LRRC4C: variants seen among roughly 807,000 people sequenced by gnomAD.
The protein encoded by LRRC4C is leucine rich repeat containing 4C.
LRRC4C carries 5 observed loss-of-function variants against 33.6 expected under a neutral mutation model. The ratio of observed to expected loss-of-function variants is 0.15; its 90% CI spans 0.08 to 0.31. The LOEUF is 0.31. Ranked by LOEUF, LRRC4C falls within the 10% of genes least tolerant of loss-of-function variation. The probability of loss-of-function intolerance (pLI) is 1.00; values close to 1 mark genes in which losing one functional copy is unlikely to be tolerated. For missense variants in LRRC4C, 560 were observed against 796.7 expected (o/e 0.70, Z 3.58); for synonymous variants, 329 against 302.0 (o/e 1.09, Z -0.93).
At chr11:40,590,192 T>C (rs997016654) in intron 3 of LRRC4C, among the ~76,000 whole-genome samples, 1 of 151,878 alleles carries the variant, frequency 6.6e-6, no homozygotes, top group African/African-American at 2.4e-5. Context: ...TATTCTTTTT[T>C]CTCTAAACTT....
At chr11:40,857,285 C>T (rs889521297) in intron 2 of LRRC4C, among the ~76,000 whole-genome samples, 6 of 152,082 alleles carry the variant, frequency 3.9e-5, no homozygotes, top group African/African-American at 1.4e-4. Flanking sequence ...GTTTGCTGTA[C>T]TCATCAACCT....
chr11:40,948,855 T>C (rs112187091), intron 1 of LRRC4C, among the ~76,000 whole-genome samples: 65,616 of 149,996 alleles, frequency 0.44, 15,162 homozygotes, highest in East Asian at 0.52. Flanking sequence ...TATAGTAGCA[T>C]GATTTATAGT....
chr11:41,022,409 A>G (rs974273003), intron 1 of LRRC4C, among the ~76,000 whole-genome samples: 4 of 151,932 alleles, frequency 2.6e-5, no homozygotes, highest in Admixed American at 6.6e-5. Flanking sequence ...AGGGTAAGCA[A>G]GGAGATTTGC....
chr11:40,902,100 A>G (rs952594167), intron 2 of LRRC4C, among the ~76,000 whole-genome samples: 19 of 151,594 alleles, frequency 1.3e-4, no homozygotes, highest in African/African-American at 3.6e-4. Context: ...GCATATTGCA[A>G]TGTTTACATT....
chr11:40,599,188 T>C (rs1022740070), intron 3 of LRRC4C, among the ~76,000 whole-genome samples: 1 of 152,014 alleles, frequency 6.6e-6, no homozygotes, highest in African/African-American at 2.4e-5. Context: ...GTGACTCATG[T>C]CTGTAATCCC....
chr11:41,004,921 G>C (rs1854632554), intron 1 of LRRC4C, among the ~76,000 whole-genome samples: 1 of 152,090 alleles, frequency 6.6e-6, no homozygotes, highest in Non-Finnish European at 1.5e-5. Context: ...AAGATGGTTA[G>C]AAAACAGAAA....
At chr11:40,202,251 A>C (rs1351972386) in intron 5 of LRRC4C, among the ~76,000 whole-genome samples, 1 of 146,300 alleles carries the variant, frequency 6.8e-6, no homozygotes, top group African/African-American at 2.5e-5. Context: ...GGGATTCCAC[A>C]CTTGGCTGGC....
intron 4 of LRRC4C, among the ~76,000 whole-genome samples, chr11:40,290,290 C>T (rs1944104080): frequency 6.6e-6 from 1 of 152,022 alleles, no homozygotes; most frequent in Non-Finnish European, 1.5e-5. Context: ...AGCAAATAAG[C>T]AAACGAATGC....
chr11:41,375,339 C>T (rs900468111), intron 1 of LRRC4C, among the ~76,000 whole-genome samples: 4 of 151,920 alleles, frequency 2.6e-5, no homozygotes, highest in Admixed American at 6.6e-5. Context: ...GTACAATTTC[C>T]GTTGATGCTT....
chr11:40,694,627 C>T (rs1009830242), intron 2 of LRRC4C, among the ~76,000 whole-genome samples: 1 of 152,098 alleles, frequency 6.6e-6, no homozygotes, highest in Non-Finnish European at 1.5e-5. Flanking sequence ...AGAGACATTA[C>T]AGAACTCAAG....
At chr11:40,475,718 G>A (rs990102242) in intron 3 of LRRC4C, among the ~76,000 whole-genome samples, 1 of 152,100 alleles carries the variant, frequency 6.6e-6, no homozygotes, top group Non-Finnish European at 1.5e-5. Context: ...ATACACAATT[G>A]ATATTTATAC....
chr11:41,107,351 A>G (rs117984416), intron 1 of LRRC4C, among the ~76,000 whole-genome samples: 3,706 of 152,196 alleles, frequency 0.024, 62 homozygotes, highest in Non-Finnish European at 0.037. Flanking sequence ...CTGTAAAACA[A>G]TACTGTATTA....
At chr11:41,422,617 C>A (rs539918214) in intron 1 of LRRC4C, among the ~76,000 whole-genome samples, 1 of 151,888 alleles carries the variant, frequency 6.6e-6, no homozygotes, top group African/African-American at 2.4e-5. Context: ...ACGACTCCAC[C>A]CCAGGATGTT....
intron 3 of LRRC4C, among the ~76,000 whole-genome samples, chr11:40,517,583 C>A (rs1056523085): frequency 3.9e-5 from 6 of 152,078 alleles, no homozygotes; most frequent in African/African-American, 9.7e-5. Context: ...ACTGTGAGAA[C>A]CCACCCATCT....
intron 1 of LRRC4C, among the ~76,000 whole-genome samples, chr11:41,252,102 A>G (rs1306295014): frequency 6.6e-6 from 1 of 152,190 alleles, no homozygotes; most frequent in African/African-American, 2.4e-5. Flanking sequence ...ATGGAATTAA[A>G]CAGGCAAGAA....
chr11:40,795,222 A>G (rs1565071327), intron 2 of LRRC4C, among the ~76,000 whole-genome samples: 1 of 152,108 alleles, frequency 6.6e-6, no homozygotes, highest in African/African-American at 2.4e-5. Flanking sequence ...ACATCCATAT[A>G]TGCTACCATT....
chr11:40,479,447 C>T (rs576331539), intron 3 of LRRC4C, among the ~76,000 whole-genome samples: 7 of 152,136 alleles, frequency 4.6e-5, no homozygotes, highest in African/African-American at 1.7e-4. Flanking sequence ...AGAGTAAATG[C>T]ACCGACAATT....
intron 1 of LRRC4C, among the ~76,000 whole-genome samples, chr11:41,290,538 C>T (rs150146296): frequency 1.9e-3 from 289 of 152,156 alleles, no homozygotes; most frequent in African/African-American, 5.6e-3. Flanking sequence ...ACTATTCACA[C>T]GGAGGCAAAC....
intron 3 of LRRC4C, among the ~76,000 whole-genome samples, chr11:40,518,655 G>T (rs551763636): frequency 2.0e-5 from 3 of 152,174 alleles, no homozygotes; most frequent in African/African-American, 7.2e-5. Flanking sequence ...GTTGGTGGGA[G>T]TGTAAATTAG....
Sources: allele counts gnomAD v4.1 joint callset (sites outside exome capture counted in the v4.1 genomes callset), GRCh38; gene constraint gnomAD v4.1.1; transcripts MANE v1.5; gene names NCBI Gene and HGNC (gene_info 2026-07-23, HGNC 2026-07-21).